LRP1B: variants seen among roughly 807,000 people sequenced by gnomAD.
LRP1B encodes LDL receptor related protein 1B.
LRP1B carries 217 observed loss-of-function variants against 556.6 expected under a neutral mutation model. The ratio of observed to expected loss-of-function variants is 0.39; its 90% confidence interval spans 0.35 to 0.44. The LOEUF is 0.44. Ranked by LOEUF, LRP1B falls within the 20% of genes least tolerant of loss-of-function variation. LRP1B has a pLI of 1.00. For missense variants in LRP1B, 5,053 were observed against 5,620.8 expected (o/e 0.90, Z 3.23); for synonymous variants, 2,047 against 1,865.8 (o/e 1.10, Z -2.50).
At chr2:142,015,790 G>A (rs1407055070) in intron 1 of LRP1B, among the ~76,000 whole-genome samples, 1 of 151,744 alleles carries the variant, frequency 6.6e-6, no homozygotes, top group Non-Finnish European at 1.5e-5. Flanking sequence ...TCAGGCGATC[G>A]AGACCATCCT....
At chr2:141,194,882 C>T (rs1364928616) in intron 6 of LRP1B, among the ~76,000 whole-genome samples, 1 of 152,034 alleles carries the variant, frequency 6.6e-6, no homozygotes, top group Non-Finnish European at 1.5e-5. Flanking sequence ...CCAGAGGGAA[C>T]AAAAAGACTG....
intron 1 of LRP1B, among the ~76,000 whole-genome samples, chr2:141,949,398 C>CAT (rs1426789143): frequency 2.6e-5 from 4 of 151,906 alleles, no homozygotes; most frequent in African/African-American, 7.3e-5. Context: ...AAAAATTATC[C>CAT]ATATATATAT....
chr2:141,780,441 A>G (rs1403822912), intron 2 of LRP1B, among the ~76,000 whole-genome samples: 1 of 152,174 alleles, frequency 6.6e-6, no homozygotes, highest in Non-Finnish European at 1.5e-5. Flanking sequence ...CAATATAAAA[A>G]TGTATTCTAT....
At chr2:141,835,659 T>TTTATTTACCTCATC (rs1697253484) in intron 1 of LRP1B, among the ~76,000 whole-genome samples, 1 of 151,976 alleles carries the variant, frequency 6.6e-6, no homozygotes, top group Non-Finnish European at 1.5e-5. Context: ...AGCTAAGCAT[T>TTTATTTACCTCATC]TTATTTACCT....
At chr2:141,769,844 T>C (rs1694840853) in intron 2 of LRP1B, among the ~76,000 whole-genome samples, 1 of 135,298 alleles carries the variant, frequency 7.4e-6, no homozygotes, top group Non-Finnish European at 1.6e-5. Flanking sequence ...TAGAGCTAGA[T>C]GGAACCTTGA....
At chr2:141,177,530 G>A (rs548446107) in intron 7 of LRP1B, among the ~76,000 whole-genome samples, 26 of 152,226 alleles carry the variant, frequency 1.7e-4, no homozygotes, top group Admixed American at 7.8e-4. Flanking sequence ...GAAGGAAAAA[G>A]AAATGTGTAT....
chr2:141,675,241 T>C (rs1260719512), intron 2 of LRP1B, among the ~76,000 whole-genome samples: 1 of 151,984 alleles, frequency 6.6e-6, no homozygotes, highest in African/African-American at 2.4e-5. Context: ...CCTAATAAAA[T>C]ACTTGTTAAA....
chr2:141,029,291 A>G (rs1360866758), intron 11 of LRP1B, among the ~76,000 whole-genome samples: 1 of 152,152 alleles, frequency 6.6e-6, no homozygotes, highest in Non-Finnish European at 1.5e-5. Flanking sequence ...CATGAACAGC[A>G]GTGATAAGGT....
chr2:141,115,131 T>G (rs543079308), intron 7 of LRP1B, among the ~76,000 whole-genome samples: 3 of 143,584 alleles, frequency 2.1e-5, no homozygotes, highest in African/African-American at 5.1e-5. Context: ...TAATGTTCTT[T>G]GGTCTTTATA....
chr2:141,902,864 G>GA (rs1186280218), intron 1 of LRP1B, among the ~76,000 whole-genome samples: 1 of 151,736 alleles, frequency 6.6e-6, no homozygotes, highest in African/African-American at 2.4e-5. Context: ...ACTCCAAAAA[G>GA]AAAAAAATAT....
chr2:141,160,164 G>A (rs757527436), intron 7 of LRP1B, among the ~76,000 whole-genome samples: 3 of 151,974 alleles, frequency 2.0e-5, no homozygotes, highest in African/African-American at 7.2e-5. Flanking sequence ...AGCACATGAG[G>A]TTTAACATTG....
chr2:140,858,499 ATG>A, intron 27 of LRP1B, among the ~76,000 whole-genome samples: 1 of 102,362 alleles, frequency 9.8e-6, no homozygotes, highest in South Asian at 3.7e-4. Context: ...TTTTATATAT[ATG>A]GAGAGAGAGA....
rs913357367 is a variant in LRP1B at position 141,818,601 on chromosome 2, A to C, written c.83-8200T>G. Among the ~76,000 whole-genome samples the C allele has an allele frequency of 2.4e-4, 30 of 124,010 alleles. No homozygotes were observed. In the Admixed American group the frequency reaches 3.3e-3, roughly 13 times the overall value. The allele number at this position is 124,010 out of a possible 152,430, so 81.4% of individuals were successfully genotyped here. On this transcript the variant is annotated intron_variant, in intron 1 of 90. Coordinates refer to ENST00000389484, the MANE Select transcript of LRP1B (RefSeq NM_018557.3). ...ACCCAGGCTGTAGTGCAGTGGTGCGATCTTGGCTCAATGCAACCTCTGCCT... is the reference window on the plus strand; with the variant it reads ...ACCCAGGCTGTAGTGCAGTGGTGCGCTCTTGGCTCAATGCAACCTCTGCCT...
intron 2 of LRP1B, among the ~76,000 whole-genome samples, chr2:141,487,344 G>A (rs10496881): frequency 2.6e-5 from 4 of 152,006 alleles, no homozygotes; most frequent in Admixed American, 1.3e-4. Flanking sequence ...TTCTTGACAC[G>A]GAATTGGTGC....
chr2:141,135,703 C>G (rs1347464795), intron 7 of LRP1B, among the ~76,000 whole-genome samples: 1 of 151,842 alleles, frequency 6.6e-6, no homozygotes, highest in Non-Finnish European at 1.5e-5. Context: ...CACCAAGTCT[C>G]AATAATAATC....
chr2:140,302,839 G>A (rs12692042), intron 83 of LRP1B, among the ~76,000 whole-genome samples: 49,965 of 151,280 alleles, frequency 0.33, 9,022 homozygotes, highest in Non-Finnish European at 0.42. Context: ...CAGTTGCTCA[G>A]GTCATTGCCC....
At chr2:141,435,756 A>G (rs1012488617) in intron 3 of LRP1B, among the ~76,000 whole-genome samples, 3 of 152,094 alleles carry the variant, frequency 2.0e-5, no homozygotes, top group Non-Finnish European at 2.9e-5. Flanking sequence ...CAGGCTCCCA[A>G]TATTCTTGGC....
At chr2:141,398,834 G>T (rs1690342988) in intron 3 of LRP1B, among the ~76,000 whole-genome samples, 1 of 152,218 alleles carries the variant, frequency 6.6e-6, no homozygotes, top group Non-Finnish European at 1.5e-5. Flanking sequence ...GCTCCAGTTG[G>T]ATAGGAGACT....
At chr2:141,348,385 C>T (rs1168664258) in intron 3 of LRP1B, among the ~76,000 whole-genome samples, 2 of 151,724 alleles carry the variant, frequency 1.3e-5, no homozygotes, top group African/African-American at 2.4e-5. Flanking sequence ...ATGATGATAA[C>T]TTCTACTTAA....
Sources: gnomAD v4.1 joint callset for allele counts (sites outside exome capture counted in the v4.1 genomes callset) on GRCh38, gnomAD v4.1.1 for gene constraint, MANE v1.5 for transcripts, NCBI Gene and HGNC (gene_info 2026-07-23, HGNC 2026-07-21) for gene names.